RABGAP1L: variants seen among roughly 807,000 people sequenced by gnomAD.
RABGAP1L encodes rab GTPase-activating protein 1-like.
A neutral mutation model predicts 137.7 loss-of-function variants in RABGAP1L; 63 were observed. The ratio of observed to expected loss-of-function variants is 0.46; its 90% confidence interval spans 0.37 to 0.56. RABGAP1L has a LOEUF of 0.56. RABGAP1L is among the 20% of genes least tolerant of loss of function. The pLI is 0.00. For synonymous variants in RABGAP1L, 431 were observed against 433.7 expected (o/e 0.99, Z 0.08); for missense variants, 1,095 against 1,244.0 (o/e 0.88, Z 1.80).
At chr1:174,958,323 G>A in intron 20 of RABGAP1L, 1 of 729,496 alleles carries the variant, frequency 1.4e-6, no homozygotes, top group Non-Finnish European at 1.9e-6. Flanking sequence ...CTCTTCAATG[G>A]TAATTAGCAA....
At chr1:174,936,355 C>T (rs1281172195) in intron 19 of RABGAP1L, among the ~76,000 whole-genome samples, 1 of 152,008 alleles carries the variant, frequency 6.6e-6, no homozygotes, top group Admixed American at 6.6e-5. Context: ...GTGGTGCCAG[C>T]TACACAGAAG....
chr1:174,699,025 C>T (rs562421178), intron 15 of RABGAP1L, among the ~76,000 whole-genome samples: 5 of 151,446 alleles, frequency 3.3e-5, no homozygotes, highest in South Asian at 4.2e-4. Flanking sequence ...GACGGGGTCT[C>T]GCTCTGTCAC....
At chr1:174,887,755 G>T (rs1040762428) in intron 19 of RABGAP1L, among the ~76,000 whole-genome samples, 2 of 152,066 alleles carry the variant, frequency 1.3e-5, no homozygotes, top group African/African-American at 2.4e-5. Context: ...ACTAAAATAG[G>T]CCAGGTGCGG....
intron 13 of RABGAP1L, among the ~76,000 whole-genome samples, chr1:174,609,475 G>T (rs1671022965): frequency 6.6e-6 from 1 of 152,038 alleles, no homozygotes; most frequent in Non-Finnish European, 1.5e-5. Flanking sequence ...TTGATTAAAG[G>T]GGTAGAAGGG....
intron 13 of RABGAP1L, among the ~76,000 whole-genome samples, chr1:174,542,394 G>A (rs1390064401): frequency 1.3e-5 from 2 of 152,170 alleles, no homozygotes; most frequent in Non-Finnish European, 2.9e-5. Flanking sequence ...AGTGTTTATA[G>A]TATTCTCTGA....
At chr1:174,263,710 C>T (rs768439540) in intron 7 of RABGAP1L, among the ~76,000 whole-genome samples, 32 of 145,068 alleles carry the variant, frequency 2.2e-4, no homozygotes, top group Non-Finnish European at 4.1e-4. Flanking sequence ...CTTTTATTTA[C>T]TTTTTTTTTT....
At chr1:174,397,746 A>G (rs938147918) in intron 13 of RABGAP1L, among the ~76,000 whole-genome samples, 7 of 152,148 alleles carry the variant, frequency 4.6e-5, no homozygotes, top group African/African-American at 1.4e-4. Context: ...AGGTAGCCAG[A>G]CTTGAGGCTA....
intron 13 of RABGAP1L, among the ~76,000 whole-genome samples, chr1:174,556,434 T>C (rs1000253184): frequency 4.6e-5 from 7 of 152,210 alleles, no homozygotes; most frequent in Non-Finnish European, 1.0e-4. Flanking sequence ...CCAGGATGGA[T>C]GAAATAAAAG....
intron 19 of RABGAP1L, among the ~76,000 whole-genome samples, chr1:174,927,092 G>A (rs1191696824): frequency 6.6e-6 from 1 of 151,644 alleles, no homozygotes; most frequent in Non-Finnish European, 1.5e-5. Context: ...AAAAAGTGGG[G>A]GGGCCATGAC....
chr1:174,933,503 A>C (rs1421590971), intron 19 of RABGAP1L, among the ~76,000 whole-genome samples: 1 of 152,178 alleles, frequency 6.6e-6, no homozygotes, highest in East Asian at 1.9e-4. Context: ...ACTGAAAAGT[A>C]CTGAAGAGTT....
At chr1:174,401,223 C>A (rs975961617) in intron 13 of RABGAP1L, among the ~76,000 whole-genome samples, 55 of 152,180 alleles carry the variant, frequency 3.6e-4, no homozygotes, top group African/African-American at 1.3e-3. Flanking sequence ...GCAGGAAGAC[C>A]CTGGGTTCGA....
intron 13 of RABGAP1L, among the ~76,000 whole-genome samples, chr1:174,610,281 C>A (rs1244610971): frequency 6.9e-6 from 1 of 145,382 alleles, no homozygotes; most frequent in African/African-American, 2.5e-5. Context: ...GTTCAATTCC[C>A]ACCTATGAGT....
At chr1:174,352,923 C>T (rs746630426) in intron 11 of RABGAP1L, among the ~76,000 whole-genome samples, 28 of 152,304 alleles carry the variant, frequency 1.8e-4, no homozygotes, top group Non-Finnish European at 3.1e-4. Flanking sequence ...CTTTACTCTT[C>T]TCCAAAGAGA....
intron 12 of RABGAP1L, among the ~76,000 whole-genome samples, chr1:174,388,709 A>G (rs1686998294): frequency 6.6e-6 from 1 of 152,110 alleles, no homozygotes. Flanking sequence ...TTAAAGACAA[A>G]AATAAAGGTA....
At chr1:174,744,876 C>T (rs1288055162) in intron 17 of RABGAP1L, among the ~76,000 whole-genome samples, 1 of 152,132 alleles carries the variant, frequency 6.6e-6, no homozygotes, top group East Asian at 1.9e-4. Flanking sequence ...GATCATTATA[C>T]TATGGTTATG....
At chr1:174,370,231 C>G (rs890137018) in intron 11 of RABGAP1L, among the ~76,000 whole-genome samples, 11 of 152,088 alleles carry the variant, frequency 7.2e-5, no homozygotes, top group African/African-American at 2.7e-4. Flanking sequence ...AGTACTGTGT[C>G]AAAGACTATT....
chr1:174,735,391 T>TA (rs1682847247), intron 17 of RABGAP1L, among the ~76,000 whole-genome samples: 1 of 151,828 alleles, frequency 6.6e-6, no homozygotes, highest in Non-Finnish European at 1.5e-5. Context: ...TCAACTCAAT[T>TA]AAATTAATTC....
chr1:174,451,424 T>A (rs982376958), intron 13 of RABGAP1L, among the ~76,000 whole-genome samples: 1 of 152,232 alleles, frequency 6.6e-6, no homozygotes, highest in African/African-American at 2.4e-5. Flanking sequence ...AACAATTATA[T>A]GCCAGGCTCA....
At chr1:174,270,342 G>A (rs1224961643) in intron 7 of RABGAP1L, among the ~76,000 whole-genome samples, 3 of 152,104 alleles carry the variant, frequency 2.0e-5, no homozygotes, top group Non-Finnish European at 4.4e-5. Flanking sequence ...CTGAGAAAAT[G>A]TGAAATTTCA....
Sources: gnomAD v4.1 joint callset for allele counts (sites outside exome capture counted in the v4.1 genomes callset) on GRCh38, gnomAD v4.1.1 for gene constraint, MANE v1.5 for transcripts, NCBI Gene and HGNC (gene_info 2026-07-23, HGNC 2026-07-21) for gene names.